Variants in CDH13 observed in about 807,000 individuals in gnomAD.
CDH13 encodes cadherin 13.
In CDH13, 24 loss-of-function variants were observed where a neutral mutation model predicts 63.8. The observed-to-expected ratio is 0.38, with a 90% CI of 0.27 to 0.53. The LOEUF (loss-of-function observed/expected upper bound fraction) is 0.53, where lower values mean the gene tolerates loss of function less well. Among genes scored for constraint, CDH13 ranks in the 20% least tolerant of loss-of-function variants. CDH13 has a pLI of 0.85. For missense variants in CDH13, 1,049 were observed against 903.1 expected (o/e 1.16, Z -2.07); for synonymous variants, 503 against 355.3 (o/e 1.42, Z -4.67).
chr16:83,587,254 G>A (rs4550432), intron 7 of CDH13, among the ~76,000 whole-genome samples: 53,672 of 152,092 alleles, frequency 0.35, 10,252 homozygotes, highest in East Asian at 0.61. Flanking sequence ...CTTTGATTGC[G>A]CTTTTCTAAG....
intron 2 of CDH13, among the ~76,000 whole-genome samples, chr16:82,920,403 C>T (rs2042117752): frequency 6.6e-6 from 1 of 152,178 alleles, no homozygotes; most frequent in Non-Finnish European, 1.5e-5. Context: ...ATGAAGTTCA[C>T]TTAAATGAAT....
At position 83,780,136 on chromosome 16, in the gene CDH13, C is replaced by A; in HGVS notation, c.1850C>A (p.Pro617His). 6.2e-7 allele frequency: 1 copy of A among 1,612,984 alleles called. No homozygotes were observed. Among genetic ancestry groups the A allele is most frequent in the African/African-American group, 1.3e-5 (1 of 75,014 alleles). Residue 617 changes from proline to histidine, a missense_variant, in exon 12 of 14, where the codon CCT (proline) becomes CAT (histidine). Pro to His is a moderately conservative substitution (Grantham distance 77). Coordinates refer to ENST00000567109, the MANE Select transcript of CDH13 (RefSeq NM_001257.5). ...AAGGATCTTCACCCGAATACAGATC[C>A]TTTCAAATTTGAAATCCACAAACAA... ...SDKDLHPNTD[P>H]FKFEIHKQAV...
intron 2 of CDH13, among the ~76,000 whole-genome samples, chr16:82,873,995 A>G (rs1251554620): frequency 1.3e-5 from 2 of 152,106 alleles, no homozygotes; most frequent in African/African-American, 4.8e-5. Context: ...ATATTTGAGA[A>G]ATTAGTACTC....
chr16:83,710,414 T>C (rs1201042698), intron 10 of CDH13: 1 of 152,218 alleles, frequency 6.6e-6, no homozygotes, highest in Non-Finnish European at 1.5e-5. Flanking sequence ...CTAGAAAAGC[T>C]AAGAGCATCT....
Position 83,796,751 on chromosome 16 carries a change from G to T in CDH13, c.*1721G>T, listed in dbSNP as rs1747680020. Reference sequence around the variant, plus strand: ...TGAGTCTATGAAGACAGAAGTACCAGTTCTCAGCATGGGCCATGGACTCAT... The same window carrying T: ...TGAGTCTATGAAGACAGAAGTACCATTTCTCAGCATGGGCCATGGACTCAT... On this transcript the variant is annotated 3_prime_UTR_variant, in exon 14 of 14. Coordinates refer to ENST00000567109, the MANE Select transcript of CDH13 (RefSeq NM_001257.5). 6.6e-6 allele frequency: 1 copy of T among 152,176 alleles called. No homozygotes were observed. The highest frequency in any genetic ancestry group is 2.4e-5 in the African/African-American group (1 of 41,436). The allele number at this position is 152,176 out of a possible 1,614,324, so 9.4% of individuals were successfully genotyped here.
intron 5 of CDH13, among the ~76,000 whole-genome samples, chr16:83,229,880 G>A (rs1042617647): frequency 1.3e-5 from 2 of 152,158 alleles, no homozygotes; most frequent in Non-Finnish European, 2.9e-5. Context: ...CTCTGAAGCT[G>A]GACTAGAGTA....
intron 4 of CDH13, among the ~76,000 whole-genome samples, chr16:83,206,779 C>A (rs1290717384): frequency 2.0e-5 from 3 of 152,214 alleles, no homozygotes; most frequent in Non-Finnish European, 4.4e-5. Context: ...AGGAATTTGA[C>A]TTGGGGGGAC....
At chr16:83,358,064 CA>C (rs559381618) in intron 6 of CDH13, among the ~76,000 whole-genome samples, 45 of 152,188 alleles carry the variant, frequency 3.0e-4, no homozygotes, top group Non-Finnish European at 6.2e-4. Flanking sequence ...AACTGTCCAG[CA>C]GAGCAGAAGC....
chr16:82,699,086 A>T (rs994825392), intron 1 of CDH13, among the ~76,000 whole-genome samples: 1 of 152,198 alleles, frequency 6.6e-6, no homozygotes, highest in East Asian at 1.9e-4. Flanking sequence ...AATATACAAT[A>T]TTCTGTTGGC....
intron 10 of CDH13, among the ~76,000 whole-genome samples, chr16:83,719,767 C>G (rs1183942443): frequency 2.0e-5 from 3 of 152,138 alleles, no homozygotes; most frequent in Middle Eastern, 3.2e-3. Flanking sequence ...TCCTTAAGCC[C>G]CTGAGTACCA....
At chr16:83,540,739 T>A (rs1246029878) in intron 7 of CDH13, among the ~76,000 whole-genome samples, 2 of 152,192 alleles carry the variant, frequency 1.3e-5, no homozygotes, top group African/African-American at 2.4e-5. Context: ...TCTCAAGTAG[T>A]AATTGCGGCA....
chr16:82,710,843 A>C (rs2031884023), intron 1 of CDH13, among the ~76,000 whole-genome samples: 1 of 150,984 alleles, frequency 6.6e-6, no homozygotes. Flanking sequence ...TTTTATACAT[A>C]AATGTGTACA....
At chr16:83,706,126 A>C (rs1567533571) in intron 10 of CDH13, among the ~76,000 whole-genome samples, 1 of 152,200 alleles carries the variant, frequency 6.6e-6, no homozygotes, top group Non-Finnish European at 1.5e-5. Context: ...AGCTGATGTC[A>C]TCTGAATGCT....
chr16:83,425,635 C>G (rs995739491), intron 6 of CDH13, among the ~76,000 whole-genome samples: 1 of 152,226 alleles, frequency 6.6e-6, no homozygotes, highest in Admixed American at 6.5e-5. Flanking sequence ...TCCTAAACTT[C>G]TTTATGTCTT....
chr16:83,141,587 G>A (rs915840742), intron 4 of CDH13, among the ~76,000 whole-genome samples: 3 of 152,146 alleles, frequency 2.0e-5, no homozygotes, highest in Non-Finnish European at 2.9e-5. Flanking sequence ...TGCCATGGTG[G>A]CTTGCTGCAC....
chr16:83,457,814 G>T (rs566985867), intron 6 of CDH13, among the ~76,000 whole-genome samples: 1 of 152,070 alleles, frequency 6.6e-6, no homozygotes, highest in Non-Finnish European at 1.5e-5. Context: ...AAACACACAT[G>T]TTAGGAAAGA....
intron 1 of CDH13, among the ~76,000 whole-genome samples, chr16:82,835,330 A>C (rs2038719832): frequency 6.6e-6 from 1 of 152,182 alleles, no homozygotes; most frequent in Non-Finnish European, 1.5e-5. Context: ...TCTGACATTC[A>C]CAGGGAATGC....
intron 1 of CDH13, among the ~76,000 whole-genome samples, chr16:82,654,448 G>T (rs1256098291): frequency 6.6e-6 from 1 of 152,192 alleles, no homozygotes; most frequent in Non-Finnish European, 1.5e-5. Flanking sequence ...ATGCAATTCT[G>T]ACAGTGCTGA....
intron 7 of CDH13, among the ~76,000 whole-genome samples, chr16:83,544,347 AT>A (rs1339503233): frequency 6.6e-6 from 1 of 151,988 alleles, no homozygotes; most frequent in African/African-American, 2.4e-5. Context: ...CTGCTCCAAC[AT>A]TTCCTATAGA....
Sources: allele counts gnomAD v4.1 joint callset (sites outside exome capture counted in the v4.1 genomes callset), GRCh38; gene constraint gnomAD v4.1.1; transcripts MANE v1.5; gene names NCBI Gene and HGNC (gene_info 2026-07-23, HGNC 2026-07-21).